CEP89: variants seen among roughly 807,000 people sequenced by gnomAD.
The protein encoded by CEP89 is centrosomal protein of 89 kDa.
Under a neutral mutation model 97.6 loss-of-function variants are expected in CEP89, and 95 were observed. The observed-to-expected ratio is 0.97, with a 90% CI of 0.82 to 1.15. The LOEUF (loss-of-function observed/expected upper bound fraction) is 1.15, where lower values mean the gene tolerates loss of function less well. Ranked by LOEUF, CEP89 falls within the 50% of genes most tolerant of loss-of-function variation. The probability of loss-of-function intolerance (pLI) is 0.00; values close to 1 mark genes in which losing one functional copy is unlikely to be tolerated. For synonymous variants in CEP89, 354 were observed against 349.1 expected, an observed-to-expected ratio of 1.01 and a Z score of -0.16; for missense variants, 869 against 947.7, an observed-to-expected ratio of 0.92 and a Z score of 1.09.
intron 7 of CEP89, among the ~76,000 whole-genome samples, chr19:32,934,236 G>A (rs566024903): frequency 6.6e-6 from 1 of 152,144 alleles, no homozygotes; most frequent in Non-Finnish European, 1.5e-5. Context: ...AAGAGCAGGT[G>A]GGGATGGAAG....
In CEP89 at chr19:32,878,962, T is replaced by TCA; in HGVS notation, c.*199_*200insTG. On this transcript the variant is annotated 3_prime_UTR_variant, in exon 19 of 19. Transcript: ENST00000305768. Reference sequence around the variant, plus strand: ...GGGCAACAGAGTGAGACCCTAGCTCTAAAAAAAAAAAAAAATTAAAAAATA... The same window carrying TCA: ...GGGCAACAGAGTGAGACCCTAGCTCTCAAAAAAAAAAAAAAAATTAAAAAATA... 2 of 384,280 alleles carry TCA rather than the reference T, an allele frequency of 5.2e-6. No individual in the cohort carries two copies. The highest frequency in any genetic ancestry group is 4.6e-6 in the Non-Finnish European group (1 of 216,982). 23.8% of individuals were successfully genotyped at this position (384,280 alleles called of 1,614,324 possible).
At chr19:32,928,136 G>C (rs186041564) in intron 9 of CEP89, among the ~76,000 whole-genome samples, 1 of 151,844 alleles carries the variant, frequency 6.6e-6, no homozygotes, top group Admixed American at 6.6e-5. Context: ...GGCTGGTCTC[G>C]AACTCCTGAC....
At chr19:32,902,844 T>C (rs1423067970) in intron 14 of CEP89, among the ~76,000 whole-genome samples, 1 of 152,102 alleles carries the variant, frequency 6.6e-6, no homozygotes, top group Non-Finnish European at 1.5e-5. Context: ...AAAGAAACAC[T>C]ACAAACAGTA....
chr19:32,926,974 A>G lies in CEP89; in HGVS notation c.1040T>C (p.Ile347Thr). The part of the protein sequence containing the change: ...RHLSKEESLN[I>T]EGLPSKGPIP... ...AGGGCCCTTGGATGGGAGGCCTTCA[A>G]TATTTAAGCTCTAAGAACAAAACAT... The change falls in exon 10 of 19, where the codon ATT (isoleucine) becomes ACT (threonine). Residue 347 changes from isoleucine (I) to threonine (T), a missense_variant. Coordinates refer to ENST00000305768, the MANE Select transcript of CEP89 (RefSeq NM_032816.5). 1 of 1,613,680 alleles carries G rather than the reference A, an allele frequency of 6.2e-7. No individual in the cohort carries two copies. Among genetic ancestry groups the G allele is most frequent in the Non-Finnish European group, 8.5e-7 (1 of 1,179,590 alleles).
rs779102717 is a variant in CEP89 at position 32,901,229 on chromosome 19, A to G, written c.1733+16T>C. ...ATTGAAAATAAAAGCAACTTAAAGG[A>G]AAAAAAGACACAAACCTATTGATTT... On this transcript the variant is annotated intron_variant, in intron 15 of 18. Coordinates refer to ENST00000305768, the MANE Select transcript of CEP89 (RefSeq NM_032816.5). 6.2e-7 allele frequency: 1 copy of G among 1,604,286 alleles called. No individual in the cohort carries two copies. The highest frequency in any genetic ancestry group is 8.5e-7 in the Non-Finnish European group (1 of 1,176,218).
chr19:32,967,799 G>A (rs748309955), intron 1 of CEP89, among the ~76,000 whole-genome samples: 1 of 152,216 alleles, frequency 6.6e-6, no homozygotes, highest in African/African-American at 2.4e-5. Context: ...TGCAGTGCTC[G>A]GAAATCATAA....
intron 6 of CEP89, among the ~76,000 whole-genome samples, chr19:32,938,116 T>C (rs780115346): frequency 6.6e-6 from 1 of 151,656 alleles, no homozygotes; most frequent in African/African-American, 2.4e-5. Flanking sequence ...GGGATTACAC[T>C]GTTTCTTATA....
At chr19:32,948,179 A>G in intron 5 of CEP89, 87 bp downstream of exon 5, 1 of 657,732 alleles carries the variant, frequency 1.5e-6, no homozygotes, top group Non-Finnish European at 2.6e-6. Context: ...ATGAAGGGGC[A>G]ATGGGTATGT....
At chr19:32,909,109 A>G (rs1599729771) in intron 14 of CEP89, among the ~76,000 whole-genome samples, 1 of 152,334 alleles carries the variant, frequency 6.6e-6, no homozygotes, top group East Asian at 1.9e-4. Context: ...GGAAGCAGAG[A>G]TGGCTCTCTT....
intron 5 of CEP89, 102 bp from the exon 6 acceptor site, chr19:32,939,987 C>T (rs895904691): frequency 5.1e-6 from 3 of 592,266 alleles, no homozygotes; most frequent in East Asian, 3.2e-5. Flanking sequence ...CAGAGGAGCT[C>T]GACAAGGCCC....
At chr19:32,887,663 G>C (rs1440753028) in intron 17 of CEP89, 89 bp downstream of exon 17, 1 of 771,150 alleles carries the variant, frequency 1.3e-6, no homozygotes, top group Non-Finnish European at 2.3e-6. Flanking sequence ...ACATGCAAAA[G>C]GTGTCATTTT....
intron 2 of CEP89, among the ~76,000 whole-genome samples, chr19:32,962,157 G>A (rs1971182895): frequency 6.6e-6 from 1 of 152,176 alleles, no homozygotes; most frequent in Non-Finnish European, 1.5e-5. Context: ...GTCGAAGGAG[G>A]AAAGTGATTG....
chr19:32,965,572 T>C (rs1220471324), intron 2 of CEP89, among the ~76,000 whole-genome samples: 1 of 151,704 alleles, frequency 6.6e-6, no homozygotes, highest in Non-Finnish European at 1.5e-5. Flanking sequence ...GGTACATGCC[T>C]GTAGTCCCAG....
At chr19:32,906,073 C>G (rs74915813) in intron 14 of CEP89, among the ~76,000 whole-genome samples, 1 of 152,128 alleles carries the variant, frequency 6.6e-6, no homozygotes, top group Non-Finnish European at 1.5e-5. Flanking sequence ...TGCCCTTTTA[C>G]TTTTGACCTT....
intron 3 of CEP89, among the ~76,000 whole-genome samples, chr19:32,957,996 A>G (rs1266234894): frequency 7.3e-6 from 1 of 137,870 alleles, no homozygotes; most frequent in African/African-American, 2.9e-5. Context: ...ATCCTGTGTC[A>G]AAACAAAACA....
At chr19:32,901,464 G>A in intron 14 of CEP89, 52 bp from the exon 15 acceptor site, 1 of 1,566,382 alleles carries the variant, frequency 6.4e-7, no homozygotes, top group Non-Finnish European at 8.7e-7. Context: ...AAGCTAAAAT[G>A]GGGCAGTCAC....
At chr19:32,898,377 A>T (rs751108335) in intron 16 of CEP89, among the ~76,000 whole-genome samples, 9 of 151,840 alleles carry the variant, frequency 5.9e-5, no homozygotes, top group Non-Finnish European at 1.3e-4. Flanking sequence ...AGAGGCTAGG[A>T]TGCATGTGGG....
chr19:32,912,165 T>A (rs916506067), intron 14 of CEP89, among the ~76,000 whole-genome samples: 1 of 148,064 alleles, frequency 6.8e-6, no homozygotes, highest in African/African-American at 2.5e-5. Context: ...ATCGCGCCAC[T>A]GCACTCCAGC....
At chr19:32,953,573 C>G (rs79480383) in intron 4 of CEP89, 42 bp downstream of exon 4, 1 of 1,487,332 alleles carries the variant, frequency 6.7e-7, no homozygotes, top group Non-Finnish European at 9.2e-7. Flanking sequence ...AAGTTAACAT[C>G]AGGGTGAATG....
Sources: allele counts gnomAD v4.1 joint callset (sites outside exome capture counted in the v4.1 genomes callset), GRCh38; gene constraint gnomAD v4.1.1; transcripts MANE v1.5; gene names NCBI Gene and HGNC (gene_info 2026-07-23, HGNC 2026-07-21).